NRXN1: variants seen among roughly 807,000 people sequenced by gnomAD.
The protein encoded by NRXN1 is neurexin-1.
Under a neutral mutation model 150.9 loss-of-function variants are expected in NRXN1, and 39 were observed. The ratio of observed to expected loss-of-function variants is 0.26; its 90% CI spans 0.20 to 0.34. The LOEUF (loss-of-function observed/expected upper bound fraction) is 0.34, where lower values mean the gene tolerates loss of function less well. Ranked by LOEUF, NRXN1 falls within the 10% of genes least tolerant of loss-of-function variation. NRXN1 has a pLI of 1.00. For missense variants in NRXN1, 1,815 were observed against 1,949.9 expected (o/e 0.93, Z 1.30); for synonymous variants, 924 against 757.0 (o/e 1.22, Z -3.62).
At chr2:50,970,650 C>A (rs1694853754) in intron 2 of NRXN1, among the ~76,000 whole-genome samples, 1 of 152,048 alleles carries the variant, frequency 6.6e-6, no homozygotes, top group South Asian at 2.1e-4. Context: ...TAATTAAGAT[C>A]AGTTGAAGGA....
chr2:50,730,689 T>TG (rs1368273227), intron 5 of NRXN1, among the ~76,000 whole-genome samples: 1 of 149,220 alleles, frequency 6.7e-6, no homozygotes, highest in Non-Finnish European at 1.5e-5. Flanking sequence ...TTTTTTTTTT[T>TG]TGAGACGGAG....
chr2:50,490,564 G>T (rs1009977776), intron 15 of NRXN1, among the ~76,000 whole-genome samples: 2 of 152,212 alleles, frequency 1.3e-5, no homozygotes, highest in Admixed American at 1.3e-4. Context: ...AGATGAAGCA[G>T]TGAATGGACA....
chr2:50,102,596 A>G (rs1701119498), intron 18 of NRXN1, among the ~76,000 whole-genome samples: 2 of 152,102 alleles, frequency 1.3e-5, no homozygotes, highest in African/African-American at 4.8e-5. Flanking sequence ...GTTACACATT[A>G]AAACTTACTG....
chr2:50,864,229 G>C (rs910009896), intron 5 of NRXN1, among the ~76,000 whole-genome samples: 20 of 151,948 alleles, frequency 1.3e-4, no homozygotes, highest in African/African-American at 4.8e-4. Flanking sequence ...CATCAACTAA[G>C]ACCCAGGTAC....
chr2:50,487,861 A>G (rs894268119), intron 15 of NRXN1, among the ~76,000 whole-genome samples: 4 of 152,206 alleles, frequency 2.6e-5, no homozygotes, highest in African/African-American at 9.6e-5. Context: ...GCATCTGCAC[A>G]GAAGGTAAAA....
chr2:49,931,677 C>T (rs1380567763), intron 22 of NRXN1, among the ~76,000 whole-genome samples: 1 of 151,900 alleles, frequency 6.6e-6, no homozygotes, highest in Non-Finnish European at 1.5e-5. Flanking sequence ...AGTTTCAAAA[C>T]TAGGGACCCC....
At chr2:50,981,766 C>A (rs1483599633) in intron 2 of NRXN1, among the ~76,000 whole-genome samples, 1 of 151,520 alleles carries the variant, frequency 6.6e-6, no homozygotes, top group African/African-American at 2.4e-5. Context: ...GGATTTCCTC[C>A]CAGTGACAGG....
At chr2:50,026,809 T>C (rs1342830025) in intron 21 of NRXN1, among the ~76,000 whole-genome samples, 1 of 150,338 alleles carries the variant, frequency 6.7e-6, no homozygotes, top group African/African-American at 2.4e-5. Flanking sequence ...ATTAGCTGAT[T>C]TCATGATATT....
intron 17 of NRXN1, among the ~76,000 whole-genome samples, chr2:50,361,455 C>G (rs886469617): frequency 2.6e-5 from 4 of 152,106 alleles, no homozygotes; most frequent in South Asian, 2.1e-4. Flanking sequence ...CACAGATATA[C>G]AAACTACCAT....
intron 17 of NRXN1, among the ~76,000 whole-genome samples, chr2:50,464,188 T>C (rs531487696): frequency 2.0e-5 from 3 of 151,946 alleles, no homozygotes; most frequent in South Asian, 2.1e-4. Flanking sequence ...TTTGAATACA[T>C]GTTTATTGCT....
intron 9 of NRXN1, among the ~76,000 whole-genome samples, chr2:50,545,913 T>C (rs182115356): frequency 2.0e-5 from 3 of 152,244 alleles, no homozygotes; most frequent in Admixed American, 1.3e-4. Flanking sequence ...TTATATCTAA[T>C]ACAATGTAAA....
intron 5 of NRXN1, among the ~76,000 whole-genome samples, chr2:50,801,203 G>A (rs980948032): frequency 6.6e-6 from 1 of 152,048 alleles, no homozygotes; most frequent in Admixed American, 6.6e-5. Context: ...CCAATATAGT[G>A]AGGTTTTTAG....
chr2:50,045,365 C>T (rs1364917896), intron 21 of NRXN1, among the ~76,000 whole-genome samples: 1 of 152,134 alleles, frequency 6.6e-6, no homozygotes, highest in Non-Finnish European at 1.5e-5. Context: ...TGTTTTGAGA[C>T]AGAGTGTCAC....
chr2:50,472,829 G>GTGTGTGTATA (rs746794432), intron 15 of NRXN1, among the ~76,000 whole-genome samples: 2 of 79,746 alleles, frequency 2.5e-5, no homozygotes, highest in Non-Finnish European at 6.6e-5. Context: ...GTGTGTGTGT[G>GTGTGTGTATA]TATATATATA....
rs115640627 is a variant in NRXN1 at position 50,394,233 on chromosome 2, T to G, written c.3364+71209A>C. Among the ~76,000 whole-genome samples, 1,112 of 152,158 alleles carry G rather than the reference T, an allele frequency of 7.3e-3. 21 individuals carry two copies. Among genetic ancestry groups the G allele is most frequent in the African/African-American group, 0.025 (1,056 of 41,518 alleles). ...ATCTATATGTGATGATGCTTATGCT[T>G]GCATCTCCAGCCACAACTCTCCCTG... is the stretch of plus-strand genomic sequence containing the variant. On this transcript the variant is annotated intron_variant, in intron 17 of 22. Coordinates refer to ENST00000401669, the MANE Select transcript of NRXN1 (RefSeq NM_001330078.2).
chr2:50,528,195 C>G (rs2093006241), intron 12 of NRXN1, among the ~76,000 whole-genome samples: 1 of 151,758 alleles, frequency 6.6e-6, no homozygotes, highest in Non-Finnish European at 1.5e-5. Flanking sequence ...CTATGTAAAA[C>G]TTTAGATGGG....
At chr2:50,038,364 T>C (rs1690370641) in intron 21 of NRXN1, among the ~76,000 whole-genome samples, 1 of 152,178 alleles carries the variant, frequency 6.6e-6, no homozygotes, top group Admixed American at 6.5e-5. Flanking sequence ...TATCCTGGGC[T>C]TTCTCTCTCT....
At chr2:50,170,062 G>T (rs962925403) in intron 18 of NRXN1, among the ~76,000 whole-genome samples, 1 of 151,682 alleles carries the variant, frequency 6.6e-6, no homozygotes, top group Admixed American at 6.6e-5. Context: ...TTTTAAGCAT[G>T]TATTTTACTT....
intron 5 of NRXN1, among the ~76,000 whole-genome samples, chr2:50,807,703 C>G (rs1667686742): frequency 6.6e-6 from 1 of 152,130 alleles, no homozygotes; most frequent in African/African-American, 2.4e-5. Context: ...AACAATGATT[C>G]TGCTTATCTT....
Sources: allele counts gnomAD v4.1 joint callset (sites outside exome capture counted in the v4.1 genomes callset), GRCh38; gene constraint gnomAD v4.1.1; transcripts MANE v1.5; gene names NCBI Gene and HGNC (gene_info 2026-07-23, HGNC 2026-07-21).